Variants in CTNND2 observed in about 807,000 individuals in gnomAD.
The protein encoded by CTNND2 is catenin delta-2.
CTNND2 carries 22 observed loss-of-function variants against 144.4 expected under a neutral mutation model. The ratio of observed to expected loss-of-function variants is 0.15; its 90% CI spans 0.11 to 0.22. CTNND2 has a LOEUF of 0.22. Ranked by LOEUF, CTNND2 falls within the 10% of genes least tolerant of loss-of-function variation. The pLI is 1.00. For missense variants in CTNND2, 1,353 were observed against 1,618.8 expected, an observed-to-expected ratio of 0.84 and a Z score of 2.82; for synonymous variants, 751 against 695.6, an observed-to-expected ratio of 1.08 and a Z score of -1.25.
At chr5:11,867,889 G>A (rs913305070) in intron 1 of CTNND2, among the ~76,000 whole-genome samples, 1 of 150,774 alleles carries the variant, frequency 6.6e-6, no homozygotes, top group African/African-American at 2.4e-5. Flanking sequence ...TGTAAGCAGC[G>A]CTGGACATCT....
intron 3 of CTNND2, among the ~76,000 whole-genome samples, chr5:11,435,948 A>G (rs1331453058): frequency 1.3e-5 from 2 of 152,316 alleles, no homozygotes; most frequent in Non-Finnish European, 2.9e-5. Context: ...TTTAGTACTC[A>G]TGTATAATGG....
intron 2 of CTNND2, among the ~76,000 whole-genome samples, chr5:11,670,460 TAG>T: frequency 6.6e-6 from 1 of 152,336 alleles, no homozygotes; most frequent in East Asian, 1.9e-4. Flanking sequence ...ATATTTAGGA[TAG>T]TTAGCTCTTC....
At chr5:11,240,431 CACACACACCCAACAT>C (rs1361290772) in intron 9 of CTNND2, among the ~76,000 whole-genome samples, 1 of 102,682 alleles carries the variant, frequency 9.7e-6, no homozygotes, top group African/African-American at 4.0e-5. Context: ...GACACACACT[CACACACACCCAACAT>C]ACACACACCC....
intron 13 of CTNND2, among the ~76,000 whole-genome samples, chr5:11,113,717 T>C (rs1753257755): frequency 6.6e-6 from 1 of 152,204 alleles, no homozygotes. Context: ...TTCCATTGTA[T>C]GGGTGAAAGG....
chr5:11,791,328 AG>A (rs1243343231), intron 1 of CTNND2, among the ~76,000 whole-genome samples: 1 of 152,178 alleles, frequency 6.6e-6, no homozygotes, highest in East Asian at 1.9e-4. Context: ...AATAACTTAG[AG>A]GTTCAGGTTG....
At chr5:11,250,506 T>C (rs1255327578) in intron 9 of CTNND2, among the ~76,000 whole-genome samples, 1 of 92,540 alleles carries the variant, frequency 1.1e-5, no homozygotes, top group South Asian at 3.5e-4. Flanking sequence ...TATATATATA[T>C]ATATATACAT....
At chr5:11,091,141 T>C (rs1750727262) in intron 15 of CTNND2, among the ~76,000 whole-genome samples, 1 of 152,210 alleles carries the variant, frequency 6.6e-6, no homozygotes, top group Non-Finnish European at 1.5e-5. Context: ...TAGGGTACTC[T>C]GTCTACATAT....
chr5:11,065,226 G>A (rs1323618754), intron 16 of CTNND2, among the ~76,000 whole-genome samples: 1 of 152,196 alleles, frequency 6.6e-6, no homozygotes, highest in Non-Finnish European at 1.5e-5. Flanking sequence ...TCCCACGGGT[G>A]CCTAATAACT....
intron 9 of CTNND2, among the ~76,000 whole-genome samples, chr5:11,250,493 A>C (rs13167998): frequency 0.17 from 7,803 of 45,982 alleles, 245 homozygotes; most frequent in Non-Finnish European, 0.2. Context: ...CTCTCTCTCT[A>C]TATATATATA....
At chr5:11,876,994 G>T (rs1735617159) in intron 1 of CTNND2, among the ~76,000 whole-genome samples, 1 of 151,974 alleles carries the variant, frequency 6.6e-6, no homozygotes, top group Non-Finnish European at 1.5e-5. Flanking sequence ...TTTTCTTCTT[G>T]TTCCTGCCCA....
Position 11,903,748 on chromosome 5 carries a change from G to T in CTNND2, c.37+69C>A, listed in dbSNP as rs1738103026. On this transcript the variant is annotated intron_variant, in intron 1 of 21. Coordinates refer to ENST00000304623, the MANE Select transcript of CTNND2 (RefSeq NM_001332.4). The surrounding 1 kb of genome is among the most constrained non-coding windows in gnomAD (Gnocchi z 5.4). Reference sequence around the variant, plus strand: ...GGAGCCCAGGACCACCCCCACCAGCGGCAAGAGGAGGAGGACGGCGCCGGG... The same window carrying T: ...GGAGCCCAGGACCACCCCCACCAGCTGCAAGAGGAGGAGGACGGCGCCGGG... 7.0e-7 allele frequency: 1 copy of T among 1,432,074 alleles called. No individual in the cohort carries two copies. Among genetic ancestry groups the T allele is most frequent in the Non-Finnish European group, 9.2e-7 (1 of 1,085,002 alleles). The allele number at this position is 1,432,074 out of a possible 1,614,324, so 88.7% of individuals were successfully genotyped here.
intron 9 of CTNND2, among the ~76,000 whole-genome samples, chr5:11,332,157 C>A (rs1004846892): frequency 2.6e-5 from 4 of 151,818 alleles, no homozygotes; most frequent in Non-Finnish European, 5.9e-5. Flanking sequence ...TACCTGTAAT[C>A]CCAGCTACTT....
intron 3 of CTNND2, among the ~76,000 whole-genome samples, chr5:11,546,949 T>C (rs964342830): frequency 3.3e-5 from 5 of 152,152 alleles, no homozygotes; most frequent in South Asian, 2.1e-4. Context: ...CATCCTAACA[T>C]GCGAAAAAAT....
intron 1 of CTNND2, among the ~76,000 whole-genome samples, chr5:11,828,304 T>C (rs886764271): frequency 1.3e-5 from 2 of 152,006 alleles, no homozygotes; most frequent in Non-Finnish European, 2.9e-5. Context: ...CCGAGGTGTG[T>C]GGATCACCTG....
chr5:11,643,109 T>C (rs957072296), intron 2 of CTNND2, among the ~76,000 whole-genome samples: 9 of 152,310 alleles, frequency 5.9e-5, no homozygotes, highest in Non-Finnish European at 1.3e-4. Context: ...CACTTGGCAG[T>C]TGAATTCTAT....
intron 3 of CTNND2, among the ~76,000 whole-genome samples, chr5:11,489,111 T>G (rs1561466720): frequency 6.6e-6 from 1 of 152,196 alleles, no homozygotes; most frequent in Non-Finnish European, 1.5e-5. Flanking sequence ...CGTATATATT[T>G]ATATGAAATT....
chr5:11,056,644 T>C (rs996214887), intron 16 of CTNND2, among the ~76,000 whole-genome samples: 1 of 152,204 alleles, frequency 6.6e-6, no homozygotes, highest in Non-Finnish European at 1.5e-5. Context: ...ATTCATGGGC[T>C]CATTGCACAA....
At chr5:11,800,226 C>T (rs1035234203) in intron 1 of CTNND2, among the ~76,000 whole-genome samples, 1 of 152,134 alleles carries the variant, frequency 6.6e-6, no homozygotes, top group African/African-American at 2.4e-5. Flanking sequence ...TATAGAGTAT[C>T]AATTTTGGTT....
chr5:11,522,662 C>G (rs1172113195), intron 3 of CTNND2, among the ~76,000 whole-genome samples: 2 of 152,166 alleles, frequency 1.3e-5, no homozygotes, highest in African/African-American at 4.8e-5. Flanking sequence ...ACAGAGATAT[C>G]ATAAACGAGT....
Sources: allele counts gnomAD v4.1 joint callset (sites outside exome capture counted in the v4.1 genomes callset), GRCh38; gene constraint gnomAD v4.1.1; non-coding constraint Gnocchi (gnomAD v3.1); transcripts MANE v1.5; gene names NCBI Gene and HGNC (gene_info 2026-07-23, HGNC 2026-07-21).